The following ATRN variants were observed in gnomAD, a reference collection of about 807,000 sequenced individuals.
The protein encoded by ATRN is attractin-2.
Under a neutral mutation model 178.7 loss-of-function variants are expected in ATRN, and 54 were observed. The observed-to-expected ratio is 0.30, with a 90% CI of 0.24 to 0.38. The LOEUF (loss-of-function observed/expected upper bound fraction) is 0.38, where lower values mean the gene tolerates loss of function less well. Ranked by LOEUF, ATRN falls within the 10% of genes least tolerant of loss-of-function variation. The pLI is 1.00. For missense variants in ATRN, 1,443 were observed against 1,815.1 expected, an observed-to-expected ratio of 0.79 and a Z score of 3.73; for synonymous variants, 636 against 663.0, an observed-to-expected ratio of 0.96 and a Z score of 0.63.
chr20:3,585,901 T>C (rs1466524102), intron 18 of ATRN, among the ~76,000 whole-genome samples: 2 of 152,316 alleles, frequency 1.3e-5, no homozygotes, highest in Non-Finnish European at 2.9e-5. Context: ...GATACCACTT[T>C]ACACCCACTG....
chr20:3,646,291 T>C (rs895142567), intron 28 of ATRN, among the ~76,000 whole-genome samples: 1 of 152,162 alleles, frequency 6.6e-6, no homozygotes, highest in African/African-American at 2.4e-5. Context: ...CGTGCTGCTG[T>C]TTCTCGGCTC....
At chr20:3,590,026 T>G (rs924544958) in intron 18 of ATRN, among the ~76,000 whole-genome samples, 6 of 152,224 alleles carry the variant, frequency 3.9e-5, no homozygotes, top group Non-Finnish European at 8.8e-5. Context: ...CTTGGCTCAC[T>G]GCAACCTCTG....
intron 1 of ATRN, among the ~76,000 whole-genome samples, chr20:3,533,243 A>G (rs989914199): frequency 6.6e-6 from 1 of 152,242 alleles, no homozygotes; most frequent in African/African-American, 2.4e-5. Context: ...CCTAAGAATA[A>G]GAAAATATTT....
intron 25 of ATRN, among the ~76,000 whole-genome samples, chr20:3,630,832 G>C (rs2086983790): frequency 6.9e-6 from 1 of 144,238 alleles, no homozygotes; most frequent in Non-Finnish European, 1.5e-5. Context: ...TAAACTTTTA[G>C]CTAAGAATAG....
At chr20:3,473,827 G>A (rs1356803392) in intron 1 of ATRN, among the ~76,000 whole-genome samples, 1 of 152,198 alleles carries the variant, frequency 6.6e-6, no homozygotes, top group Non-Finnish European at 1.5e-5. Flanking sequence ...GGGCAGCTAG[G>A]TGGGATCTGT....
chr20:3,638,739 G>T lies in ATRN; in HGVS notation c.3943-89G>T. 9.5e-7 allele frequency: 1 copy of T among 1,056,202 alleles called. No homozygotes were observed. Among genetic ancestry groups the T allele is most frequent in the Non-Finnish European group, 1.4e-6 (1 of 709,632 alleles). The allele number at this position is 1,056,202 out of a possible 1,614,324, so 65.4% of individuals were successfully genotyped here. A position where few individuals can be genotyped will look rare whatever the true frequency, so the allele number is the denominator to read the frequency against. On this transcript the variant is annotated intron_variant, in intron 26 of 28. Transcript: ENST00000262919. The surrounding 1 kb of genome is among the most constrained non-coding windows in gnomAD (Gnocchi z 4.5). ...TTGGACTTGATTTGTTTGAATCAGGGAGGATGAGGTGTTTTTAACATGTAG... is the reference window on the plus strand; with the variant it reads ...TTGGACTTGATTTGTTTGAATCAGGTAGGATGAGGTGTTTTTAACATGTAG...
At chr20:3,510,350 A>G (rs1406337021) in intron 1 of ATRN, among the ~76,000 whole-genome samples, 2 of 152,126 alleles carry the variant, frequency 1.3e-5, no homozygotes, top group African/African-American at 4.8e-5. Flanking sequence ...ACATCTAATC[A>G]CCTCTGCTGT....
At chr20:3,543,335 T>C (rs539400296) in intron 3 of ATRN, among the ~76,000 whole-genome samples, 2 of 152,206 alleles carry the variant, frequency 1.3e-5, no homozygotes, top group Non-Finnish European at 2.9e-5. Flanking sequence ...TTAGTAAATA[T>C]TTGTTAGTTG....
intron 1 of ATRN, among the ~76,000 whole-genome samples, chr20:3,481,838 A>G (rs2084626641): frequency 7.0e-6 from 1 of 142,574 alleles, no homozygotes; most frequent in African/African-American, 2.6e-5. Context: ...AAAGTATACA[A>G]TTATTAAATG....
At chr20:3,497,545 G>T (rs2084897957) in intron 1 of ATRN, among the ~76,000 whole-genome samples, 2 of 152,112 alleles carry the variant, frequency 1.3e-5, no homozygotes, top group Non-Finnish European at 2.9e-5. Flanking sequence ...TTAGTCTGAT[G>T]GGCTTCCCTT....
intron 1 of ATRN, among the ~76,000 whole-genome samples, chr20:3,484,157 G>C (rs572460149): frequency 6.6e-6 from 1 of 152,020 alleles, no homozygotes; most frequent in South Asian, 2.1e-4. Context: ...GTTGAGGTGG[G>C]AGGGTCACTT....
At chr20:3,521,408 T>G (rs2085294611) in intron 1 of ATRN, among the ~76,000 whole-genome samples, 1 of 151,912 alleles carries the variant, frequency 6.6e-6, no homozygotes, top group African/African-American at 2.4e-5. Flanking sequence ...ATAGAAATAT[T>G]TCATAAAGAC....
chr20:3,603,378 A>G (rs1348957279), intron 23 of ATRN, among the ~76,000 whole-genome samples: 1 of 152,168 alleles, frequency 6.6e-6, no homozygotes, highest in Non-Finnish European at 1.5e-5. Context: ...AGTGCTTGTT[A>G]ATAGGATTCT....
At chr20:3,529,486 C>T (rs1184604405) in intron 1 of ATRN, among the ~76,000 whole-genome samples, 1 of 152,150 alleles carries the variant, frequency 6.6e-6, no homozygotes, top group African/African-American at 2.4e-5. Flanking sequence ...GAGAATACTA[C>T]TCAGCAGTGT....
In ATRN at chr20:3,568,418, C is replaced by T. The variant is rs528830780; in HGVS notation, c.1871+2986C>T. On this transcript the variant is annotated intron_variant, in intron 11 of 28. Coordinates refer to ENST00000262919, the MANE Select transcript of ATRN (RefSeq NM_139321.3). ...ATCCCAGCACTTTGGGAGGCTAAGGCAGGAGGATCACTTGAGCCCAGGAGT... is the reference window on the plus strand; with the variant it reads ...ATCCCAGCACTTTGGGAGGCTAAGGTAGGAGGATCACTTGAGCCCAGGAGT... Among the ~76,000 whole-genome samples, 361 of 150,900 alleles carry T rather than the reference C, an allele frequency of 2.4e-3. 1 individual carries two copies. The highest frequency in any genetic ancestry group is 4.0e-3 in the Non-Finnish European group (274 of 67,818).
chr20:3,543,994 A>G (rs1319062243), intron 3 of ATRN, among the ~76,000 whole-genome samples: 4 of 152,180 alleles, frequency 2.6e-5, no homozygotes, highest in African/African-American at 9.6e-5. Context: ...TGATCATGCC[A>G]CTGCACTCTA....
At chr20:3,531,096 T>A (rs972421349) in intron 1 of ATRN, among the ~76,000 whole-genome samples, 2 of 152,342 alleles carry the variant, frequency 1.3e-5, no homozygotes. Context: ...TTATCAATGA[T>A]ACTGTAAAAC....
intron 28 of ATRN, 49 bp from the exon 29 acceptor site, chr20:3,646,674 A>C: frequency 6.7e-7 from 1 of 1,497,518 alleles, no homozygotes; most frequent in South Asian, 1.3e-5. Context: ...TTAAAACAAA[A>C]TAAAAGCCAG....
intron 24 of ATRN, among the ~76,000 whole-genome samples, chr20:3,623,451 A>C (rs2086912447): frequency 6.6e-6 from 1 of 152,216 alleles, no homozygotes; most frequent in Non-Finnish European, 1.5e-5. Context: ...CAAAAAGAAA[A>C]TAGGGCCATC....
Sources: gnomAD v4.1 joint callset for allele counts (sites outside exome capture counted in the v4.1 genomes callset) on GRCh38, gnomAD v4.1.1 for gene constraint, Gnocchi (gnomAD v3.1) non-coding constraint, MANE v1.5 for transcripts, NCBI Gene and HGNC (gene_info 2026-07-23, HGNC 2026-07-21) for gene names.